Variants in P3H2 observed in about 807,000 individuals in gnomAD.
The protein encoded by P3H2 is prolyl 3-hydroxylase 2.
In P3H2, 80 loss-of-function variants were observed where a neutral mutation model predicts 87.0. That is an observed-to-expected ratio of 0.92 (90% CI 0.77 to 1.11). P3H2 has a LOEUF of 1.11. Among genes scored for constraint, P3H2 ranks in the 50% least tolerant of loss-of-function variants. The pLI is 0.00. For synonymous variants in P3H2, 367 were observed against 359.3 expected (o/e 1.02, Z -0.24); for missense variants, 1,001 against 923.9 (o/e 1.08, Z -1.08).
intron 1 of P3H2, among the ~76,000 whole-genome samples, chr3:190,023,767 C>T (rs1725004936): frequency 6.6e-6 from 1 of 152,130 alleles, no homozygotes; most frequent in South Asian, 2.1e-4. Context: ...CTTGGAAGCC[C>T]AAAAGATTAA....
chr3:189,966,109 GAAAGAAAGAAAGAAA>G (rs1560338913), intron 13 of P3H2, among the ~76,000 whole-genome samples: 43 of 80,188 alleles, frequency 5.4e-4, no homozygotes, highest in African/African-American at 2.4e-3. Flanking sequence ...AAAGAAAAAA[GAAAGAAAGAAAGAAA>G]AAGAAAGAAA....
chr3:190,040,269 C>A (rs962029954), intron 1 of P3H2, among the ~76,000 whole-genome samples: 3 of 152,088 alleles, frequency 2.0e-5, no homozygotes, highest in African/African-American at 7.2e-5. Context: ...TGTAAAGCAC[C>A]ACCAGATATT....
chr3:189,976,069 G>A (rs749993396), intron 8 of P3H2, among the ~76,000 whole-genome samples: 18 of 127,352 alleles, frequency 1.4e-4, no homozygotes, highest in Non-Finnish European at 2.0e-4. Flanking sequence ...AATGGTTAAC[G>A]TTATTTTTCT....
In P3H2 at chr3:190,095,303, CATATATATATATATATATATAT is replaced by C. The variant is rs57074960; in HGVS notation, c.480+24927_480+24948del. 2.8e-3 allele frequency among the ~76,000 whole-genome samples: 137 copies of C among 49,450 alleles called. 1 individual carries two copies. The highest frequency in any genetic ancestry group is 0.021 in the South Asian group (21 of 1,006). The allele number at this position is 49,450 out of a possible 152,430, so 32.4% of individuals were successfully genotyped here. On this transcript the variant is annotated intron_variant, in intron 1 of 14. Transcript: ENST00000319332. ...GTCTCAAAGACAAATTGTCTCAAAA[CATATATATATATATATATATAT>C]ATATATATATATATATATATATATG... is the stretch of plus-strand genomic sequence containing the variant.
chr3:190,062,950 C>T (rs1468911326), intron 1 of P3H2, among the ~76,000 whole-genome samples: 1 of 152,070 alleles, frequency 6.6e-6, no homozygotes, highest in Non-Finnish European at 1.5e-5. Flanking sequence ...TAGTTGAGGG[C>T]CATGAGCAAA....
intron 1 of P3H2, among the ~76,000 whole-genome samples, chr3:190,078,967 T>A (rs1328203313): frequency 6.6e-6 from 1 of 152,106 alleles, no homozygotes; most frequent in African/African-American, 2.4e-5. Context: ...CAGCATAGAC[T>A]CTGGAGTCCA....
intron 1 of P3H2, among the ~76,000 whole-genome samples, chr3:190,081,646 G>A (rs1043662151): frequency 6.6e-6 from 1 of 152,146 alleles, no homozygotes; most frequent in Non-Finnish European, 1.5e-5. Flanking sequence ...TGGAGGAGAG[G>A]CACTAAGAGA....
intron 5 of P3H2, among the ~76,000 whole-genome samples, 192 bp downstream of exon 5, chr3:189,987,335 C>T (rs551302194): frequency 2.0e-5 from 3 of 151,982 alleles, no homozygotes; most frequent in African/African-American, 4.8e-5. Context: ...CAAAATTAGC[C>T]GGGTGTGGTG....
At chr3:190,038,785 A>G (rs1160870630) in intron 1 of P3H2, among the ~76,000 whole-genome samples, 1 of 152,224 alleles carries the variant, frequency 6.6e-6, no homozygotes. Flanking sequence ...GAATGAAACC[A>G]TATGCCACAA....
chr3:190,081,432 T>G (rs1727039566), intron 1 of P3H2, among the ~76,000 whole-genome samples: 1 of 152,214 alleles, frequency 6.6e-6, no homozygotes, highest in East Asian at 1.9e-4. Flanking sequence ...TTGAATTGTA[T>G]GTATGTAGTG....
In P3H2 at chr3:190,105,244, G is replaced by C. The variant is rs143276949; in HGVS notation, c.480+15008C>G. On this transcript the variant is annotated intron_variant, in intron 1 of 14. Coordinates refer to ENST00000319332, the MANE Select transcript of P3H2 (RefSeq NM_018192.4). ...CCTATTAGATCTCAGAATAGTGTGA[G>C]GAAAGTCTTTCACATTTGAGCCGAG... Among the ~76,000 whole-genome samples the C allele has an allele frequency of 6.8e-4, 103 of 152,288 alleles. 1 individual carries two copies. Among genetic ancestry groups the C allele is most frequent in the Admixed American group, 3.0e-3 (46 of 15,302 alleles).
At chr3:189,963,306 T>C (rs1722870905) in intron 14 of P3H2, among the ~76,000 whole-genome samples, 1 of 152,222 alleles carries the variant, frequency 6.6e-6, no homozygotes, top group Non-Finnish European at 1.5e-5. Flanking sequence ...GTAATAATAA[T>C]CTTTTAGGTT....
chr3:190,104,674 T>C (rs1711763295), intron 1 of P3H2, among the ~76,000 whole-genome samples: 1 of 150,706 alleles, frequency 6.6e-6, no homozygotes. Context: ...CAGAGAAGCA[T>C]ACCTACTTTC....
chr3:190,016,455 T>C (rs1437511409), intron 1 of P3H2, among the ~76,000 whole-genome samples: 1 of 152,022 alleles, frequency 6.6e-6, no homozygotes, highest in Non-Finnish European at 1.5e-5. Flanking sequence ...ACGTTGGCCA[T>C]GCTGTCTTGA....
At position 189,975,695 on chromosome 3, in the gene P3H2, G is replaced by A. The variant is rs144658558; in HGVS notation, c.1325-1010C>T. On this transcript the variant is annotated intron_variant, in intron 8 of 14. Coordinates refer to ENST00000319332, the MANE Select transcript of P3H2 (RefSeq NM_018192.4). ...AAAACACTCCAACAGAGGAAGAAGAGACAATTGAAATTGATGTCTACTTTA... is the reference window on the plus strand; with the variant it reads ...AAAACACTCCAACAGAGGAAGAAGAAACAATTGAAATTGATGTCTACTTTA... Among the ~76,000 whole-genome samples, 11 of 152,302 alleles carry A rather than the reference G, an allele frequency of 7.2e-5. No individual in the cohort carries two copies. The East Asian group carries it at 2.1e-3, about 29-fold the overall frequency.
intron 13 of P3H2, chr3:189,969,847 G>C: frequency 6.8e-7 from 1 of 1,474,966 alleles, no homozygotes; most frequent in East Asian, 2.3e-5. Flanking sequence ...CAGTGGTGGT[G>C]GTGCTTGAGG....
intron 1 of P3H2, among the ~76,000 whole-genome samples, chr3:190,097,220 A>C (rs372315871): frequency 6.6e-6 from 1 of 150,422 alleles, no homozygotes; most frequent in Admixed American, 6.6e-5. Flanking sequence ...AGGAGAATCA[A>C]TGTGAAACTG....
chr3:190,060,887 T>G (rs1170312357), intron 1 of P3H2, among the ~76,000 whole-genome samples: 3 of 152,198 alleles, frequency 2.0e-5, no homozygotes, highest in Non-Finnish European at 4.4e-5. Flanking sequence ...ATGACCTTTA[T>G]GGAACACTAA....
intron 1 of P3H2, among the ~76,000 whole-genome samples, chr3:190,001,564 C>G (rs1018702624): frequency 1.3e-5 from 2 of 152,118 alleles, no homozygotes; most frequent in African/African-American, 2.4e-5. Context: ...TTTTAACTCC[C>G]AAGTGACAAG....
Sources: gnomAD v4.1 joint callset for allele counts (sites outside exome capture counted in the v4.1 genomes callset) on GRCh38, gnomAD v4.1.1 for gene constraint, MANE v1.5 for transcripts, NCBI Gene and HGNC (gene_info 2026-07-23, HGNC 2026-07-21) for gene names.